Variants in SLC6A18 observed in about 807,000 individuals in gnomAD.
SLC6A18 encodes solute carrier family 6 member 18.
Under a neutral mutation model 62.9 loss-of-function variants are expected in SLC6A18, and 58 were observed. The ratio of observed to expected loss-of-function variants is 0.92; its 90% CI spans 0.75 to 1.15. The LOEUF is 1.15. SLC6A18 is among the 50% of genes most tolerant of loss of function. The pLI is 0.00. For synonymous variants in SLC6A18, 382 were observed against 365.8 expected, an observed-to-expected ratio of 1.04 and a Z score of -0.51; for missense variants, 793 against 836.6, an observed-to-expected ratio of 0.95 and a Z score of 0.64.
rs1172888136 is a variant in SLC6A18, at chr5:1,243,144, GA to G, written c.1131+282del. Among the ~76,000 whole-genome samples, 1 of 152,190 alleles carries G rather than the reference GA, an allele frequency of 6.6e-6. No homozygotes were observed. Among genetic ancestry groups the G allele is most frequent in the Admixed American group, 6.5e-5 (1 of 15,280 alleles). ...CATTGCTGGTGCCCAGACCCCAGGA[GA>G]GGGGGTGGCCAGCATGAGGGTCACA... On this transcript the variant is annotated intron_variant, in intron 8 of 11. Transcript: ENST00000324642. The surrounding 1 kb of genome is among the most constrained non-coding windows in gnomAD (Gnocchi z 6.5).
At chr5:1,229,736 C>T (rs1240222553) in intron 1 of SLC6A18, among the ~76,000 whole-genome samples, 1 of 152,180 alleles carries the variant, frequency 6.6e-6, no homozygotes, top group Admixed American at 6.5e-5. Context: ...ACCTCAGGTG[C>T]AGGCTGGAGG....
At chr5:1,235,730 C>G in intron 4 of SLC6A18, 68 bp downstream of exon 4, 1 of 1,522,802 alleles carries the variant, frequency 6.6e-7, no homozygotes, top group Non-Finnish European at 9.0e-7. Context: ...CCCCATTGAC[C>G]TGTGTTCGCT....
At chr5:1,240,328 G>C (rs907952038) in intron 6 of SLC6A18, among the ~76,000 whole-genome samples, 1 of 152,222 alleles carries the variant, frequency 6.6e-6, no homozygotes, top group Non-Finnish European at 1.5e-5. Flanking sequence ...GCAGCCTTGA[G>C]CTGGGGCTGC....
At chr5:1,238,520 GA>G (rs1327649185) in intron 5 of SLC6A18, among the ~76,000 whole-genome samples, 2 of 60,652 alleles carry the variant, frequency 3.3e-5, no homozygotes, top group Non-Finnish European at 6.2e-5. Flanking sequence ...GGTTTGGAGT[GA>G]GCCAGGGGCC....
In SLC6A18 at chr5:1,246,162, C is replaced by G. The variant is rs1747220254; in HGVS notation, c.*84C>G. On this transcript the variant is annotated 3_prime_UTR_variant, in exon 12 of 12. Coordinates refer to ENST00000324642, the MANE Select transcript of SLC6A18 (RefSeq NM_182632.3). ...GGCGGGGCCCCGCCCACAGGGCCGA[C>G]CCCAATACACCAGCGACTCAACCTT... is the stretch of plus-strand genomic sequence containing the variant. 1 of 1,256,924 alleles carries G rather than the reference C, an allele frequency of 8.0e-7. No individual in the cohort carries two copies. Among genetic ancestry groups the G allele is most frequent in the South Asian group, 1.6e-5 (1 of 64,164 alleles). The allele number at this position is 1,256,924 out of a possible 1,614,324, so 77.9% of individuals were successfully genotyped here.
chr5:1,236,048 G>A (rs1242528303), intron 4 of SLC6A18, among the ~76,000 whole-genome samples: 1 of 152,180 alleles, frequency 6.6e-6, no homozygotes, highest in Non-Finnish European at 1.5e-5. Flanking sequence ...TATTTGGGGT[G>A]TTTAGAGCAT....
At chr5:1,234,782 C>T (rs866060594) in intron 3 of SLC6A18, among the ~76,000 whole-genome samples, 1 of 152,220 alleles carries the variant, frequency 6.6e-6, no homozygotes, top group African/African-American at 2.4e-5. Flanking sequence ...ACTGGCAGGG[C>T]CTTAGAAGGA....
In SLC6A18 at chr5:1,235,641, G is replaced by T; in HGVS notation, c.600G>T (p.Arg200Ser). 1.2e-6 allele frequency: 2 copies of T among 1,613,888 alleles called. No individual in the cohort carries two copies. Among genetic ancestry groups the T allele is most frequent in the Non-Finnish European group, 1.7e-6 (2 of 1,179,980 alleles). The stretch of plus-strand genomic sequence containing the variant: ...CAGTCGTGTACATGTGTGTCATCAG[G>T]GGCATTGAGACTACAGGGAAGGTGA... The part of the protein sequence containing the change: ...SWAVVYMCVI[R>S]GIETTGKVIY... Residue 200 changes from arginine (R) to serine (S), a missense_variant, in exon 4 of 12, where the codon AGG becomes AGT. Coordinates refer to ENST00000324642, the MANE Select transcript of SLC6A18 (RefSeq NM_182632.3).
At chr5:1,245,621 G>A (rs1747196634) in intron 11 of SLC6A18, among the ~76,000 whole-genome samples, 1 of 152,200 alleles carries the variant, frequency 6.6e-6, no homozygotes, top group Admixed American at 6.5e-5. Flanking sequence ...GCCTACCTCG[G>A]GGAGGCCCCA....
intron 4 of SLC6A18, among the ~76,000 whole-genome samples, chr5:1,237,083 A>T (rs977749881): frequency 4.6e-5 from 7 of 151,730 alleles, no homozygotes; most frequent in Non-Finnish European, 7.4e-5. Context: ...AAAATAAAAA[A>T]AAAAAAAAAT....
At chr5:1,234,570 C>T (rs993265250) in intron 3 of SLC6A18, among the ~76,000 whole-genome samples, 9 of 152,236 alleles carry the variant, frequency 5.9e-5, no homozygotes, top group African/African-American at 1.4e-4. Flanking sequence ...TCAGGCAGGC[C>T]GAGAGGAGTT....
intron 3 of SLC6A18, among the ~76,000 whole-genome samples, chr5:1,234,121 C>T (rs185315448): frequency 3.4e-4 from 52 of 152,180 alleles, no homozygotes; most frequent in African/African-American, 1.1e-3. Flanking sequence ...TGGGTTCAAG[C>T]GATCCTCCTG....
In SLC6A18 at chr5:1,242,884, G is replaced by A. The variant is rs752390928; in HGVS notation, c.1131+21G>A. 1.5e-5 allele frequency: 24 copies of A among 1,587,328 alleles called. No individual in the cohort carries two copies. The South Asian group carries it at 2.5e-4, about 17-fold the overall frequency. On this transcript the variant is annotated intron_variant, in intron 8 of 11. Transcript: ENST00000324642. The stretch of plus-strand genomic sequence containing the variant: ...ATAAGGTACCTGCACACCCCCTGGG[G>A]TAGCCAGGCAGGGCCGTCCACAGGA...
In SLC6A18 at chr5:1,244,604, G is replaced by T; in HGVS notation, c.1497-4G>T. On this transcript the variant is annotated splice_polypyrimidine_tract_variant and splice_region_variant and intron_variant, in intron 10 of 11. Coordinates refer to ENST00000324642, the MANE Select transcript of SLC6A18 (RefSeq NM_182632.3). ...GTGAAGCCTGAGCCCAGCATCTGGT[G>T]CAGGTTCTGCGATGACATTGCGTGG... 6.3e-7 allele frequency: 1 copy of T among 1,590,598 alleles called. No individual in the cohort carries two copies.
intron 3 of SLC6A18, 124 bp from the exon 4 acceptor site, chr5:1,235,357 G>C: frequency 2.2e-6 from 2 of 900,512 alleles, no homozygotes; most frequent in East Asian, 2.7e-5. Context: ...CCAAAAAGAA[G>C]TGAAAGGGCA....
chr5:1,238,519 TGAGCCAG>T lies in SLC6A18; in HGVS notation c.732+461_732+467del, dbSNP rs1284141941. 3.4e-4 allele frequency among the ~76,000 whole-genome samples: 20 copies of T among 58,478 alleles called. 1 individual carries two copies. The highest frequency in any genetic ancestry group is 5.3e-4 in the Admixed American group (4 of 7,550). The allele number at this position is 58,478 out of a possible 152,430, so 38.4% of individuals were successfully genotyped here. ...CTCAGGAAAGACATCAGGTTTGGAG[TGAGCCAG>T]GGGCCTCAGGAAAGAGGTCAGGTTT... On this transcript the variant is annotated intron_variant, in intron 5 of 11. Transcript: ENST00000324642.
In SLC6A18 at chr5:1,244,513, G is replaced by A. The variant is rs1260416289; in HGVS notation, c.1497-95G>A. On this transcript the variant is annotated intron_variant, in intron 10 of 11. Coordinates refer to ENST00000324642, the MANE Select transcript of SLC6A18 (RefSeq NM_182632.3). ...TGGGGAGCTGCCGAGGCACCAGAGGGTGCAGGTTGGACCCCAGTTAGGGTC... is the reference window on the plus strand; with the variant it reads ...TGGGGAGCTGCCGAGGCACCAGAGGATGCAGGTTGGACCCCAGTTAGGGTC... The A allele has an allele frequency of 3.9e-6, 6 of 1,547,282 alleles. No homozygotes were observed. The African/African-American group carries it at 8.2e-5, about 21-fold the overall frequency.
chr5:1,244,120 G>A (rs574307340), intron 9 of SLC6A18, 94 bp from the exon 10 acceptor site: 140 of 1,121,056 alleles, frequency 1.2e-4, no homozygotes, highest in Non-Finnish European at 1.7e-4. Flanking sequence ...CCCGCTGTCC[G>A]AGGGCAGGTC....
chr5:1,227,974 C>A (rs989613744), intron 1 of SLC6A18, among the ~76,000 whole-genome samples: 10 of 152,198 alleles, frequency 6.6e-5, no homozygotes, highest in African/African-American at 2.4e-4. Flanking sequence ...CGCGCCCCCT[C>A]CCCGCTACTT....
Sources: gnomAD v4.1 joint callset for allele counts (sites outside exome capture counted in the v4.1 genomes callset) on GRCh38, gnomAD v4.1.1 for gene constraint, Gnocchi (gnomAD v3.1) non-coding constraint, MANE v1.5 for transcripts, NCBI Gene and HGNC (gene_info 2026-07-23, HGNC 2026-07-21) for gene names.